The following CNKSR2 variants were observed in gnomAD, a reference collection of about 807,000 sequenced individuals.
The protein encoded by CNKSR2 is CNK homolog protein 2.
CNKSR2 carries 14 observed loss-of-function variants against 84.4 expected under a neutral mutation model. That is an observed-to-expected ratio of 0.17 (90% CI 0.11 to 0.26). The LOEUF (loss-of-function observed/expected upper bound fraction) is 0.26. CNKSR2 is among the 10% of genes least tolerant of loss of function. CNKSR2 has a pLI of 1.00. For synonymous variants in CNKSR2, 275 were observed against 277.9 expected, an observed-to-expected ratio of 0.99 and a Z score of 0.10; for missense variants, 485 against 771.2, an observed-to-expected ratio of 0.63 and a Z score of 4.40.
chrX:21,473,366 A>G (rs1198810876), intron 5 of CNKSR2, among the ~76,000 whole-genome samples: 1 of 112,176 alleles, frequency 8.9e-6, no homozygotes, highest in Non-Finnish European at 1.9e-5. Context: ...TTTCACAAGA[A>G]TAATTTTTTA....
chrX:21,620,647 A>C (rs915668552), intron 20 of CNKSR2, among the ~76,000 whole-genome samples: 1 of 111,438 alleles, frequency 9.0e-6, no homozygotes, highest in Non-Finnish European at 1.9e-5. Flanking sequence ...TTGATACAAA[A>C]ACAAATTTCT....
At chrX:21,522,532 A>C (rs943724978) in intron 9 of CNKSR2, among the ~76,000 whole-genome samples, 1 of 111,115 alleles carries the variant, frequency 9.0e-6, no homozygotes, top group Non-Finnish European at 1.9e-5. Flanking sequence ...TTAAAATGTA[A>C]AATGTTTTGG....
At chrX:21,392,398 G>A (rs1191845060) in intron 1 of CNKSR2, among the ~76,000 whole-genome samples, 4 of 112,268 alleles carry the variant, frequency 3.6e-5, no homozygotes, top group African/African-American at 6.5e-5. Flanking sequence ...TCCACAGGCT[G>A]TACAGGAAGC....
intron 10 of CNKSR2, among the ~76,000 whole-genome samples, chrX:21,528,456 T>G (rs771859805): frequency 9.0e-6 from 1 of 111,426 alleles, no homozygotes; most frequent in Non-Finnish European, 1.9e-5. Flanking sequence ...TTCTTTCCTC[T>G]TGGGTAGTGA....
intron 4 of CNKSR2, among the ~76,000 whole-genome samples, chrX:21,460,288 G>A (rs1406282621): frequency 8.9e-6 from 1 of 111,864 alleles, no homozygotes; most frequent in South Asian, 3.7e-4. Context: ...TAATCTCCTC[G>A]ATTTCCTTTC....
At chrX:21,505,039 T>C (rs1228452823) in intron 8 of CNKSR2, 6 of 260,254 alleles carry the variant, frequency 2.3e-5, no homozygotes, top group Non-Finnish European at 4.1e-5. Context: ...TCTGCCCTCA[T>C]GATGCACTTT....
intron 18 of CNKSR2, among the ~76,000 whole-genome samples, chrX:21,605,057 C>CCA (rs889084651): frequency 9.0e-6 from 1 of 111,143 alleles, no homozygotes; most frequent in African/African-American, 3.3e-5. Flanking sequence ...TATTTAGTGC[C>CCA]CACACACACA....
At chrX:21,595,705 G>T (rs1272211033) in intron 17 of CNKSR2, among the ~76,000 whole-genome samples, 1 of 111,775 alleles carries the variant, frequency 8.9e-6, no homozygotes, top group African/African-American at 3.2e-5. Flanking sequence ...CCAGATGGGG[G>T]AAAAAGAGAT....
At chrX:21,533,697 A>G (rs1224000885) in intron 11 of CNKSR2, among the ~76,000 whole-genome samples, 1 of 111,470 alleles carries the variant, frequency 9.0e-6, no homozygotes, top group Non-Finnish European at 1.9e-5. Context: ...AATACTTGAC[A>G]TCTTTTTGTA....
chrX:21,462,345 T>A (rs2091071792), intron 4 of CNKSR2, among the ~76,000 whole-genome samples: 2 of 112,187 alleles, frequency 1.8e-5, no homozygotes, highest in Middle Eastern at 4.6e-3. Flanking sequence ...TCACCGTTGG[T>A]ATGTAGAAAT....
At chrX:21,634,091 A>G (rs978215277) in intron 20 of CNKSR2, among the ~76,000 whole-genome samples, 1 of 112,210 alleles carries the variant, frequency 8.9e-6, no homozygotes, top group African/African-American at 3.2e-5. Flanking sequence ...CTTGTCATGT[A>G]CACAACATAT....
At chrX:21,549,366 A>G (rs2092062236) in intron 11 of CNKSR2, among the ~76,000 whole-genome samples, 1 of 112,034 alleles carries the variant, frequency 8.9e-6, no homozygotes, top group Non-Finnish European at 1.9e-5. Context: ...AGGGATGTGA[A>G]GGACCTCTTC....
intron 13 of CNKSR2, among the ~76,000 whole-genome samples, chrX:21,585,229 G>T (rs1347473503): frequency 9.4e-6 from 1 of 106,312 alleles, no homozygotes; most frequent in African/African-American, 3.4e-5. Flanking sequence ...GGTGACACAA[G>T]ACCTTGTCTC....
chrX:21,409,043 G>A (rs2090302805), intron 1 of CNKSR2, among the ~76,000 whole-genome samples: 1 of 106,891 alleles, frequency 9.4e-6, no homozygotes, highest in Non-Finnish European at 1.9e-5. Flanking sequence ...TGTGACTGGA[G>A]AAGAAATGTC....
chrX:21,582,286 T>A (rs1286226160), intron 13 of CNKSR2, among the ~76,000 whole-genome samples: 1 of 112,147 alleles, frequency 8.9e-6, no homozygotes, highest in Non-Finnish European at 1.9e-5. Flanking sequence ...GATGAGATGT[T>A]ATTGGTTTGA....
intron 3 of CNKSR2, among the ~76,000 whole-genome samples, chrX:21,436,792 A>G (rs1021718617): frequency 9.0e-6 from 1 of 111,063 alleles, no homozygotes; most frequent in Non-Finnish European, 1.9e-5. Context: ...ACTCTCATAG[A>G]TGATCATTAA....
In CNKSR2 at chrX:21,470,816, A is replaced by G; in HGVS notation, c.561+9A>G. The G allele has an allele frequency of 1.0e-6, 1 of 963,918 alleles. No homozygotes were observed. The highest frequency in any genetic ancestry group is 1.4e-6 in the Non-Finnish European group (1 of 700,998). The allele number at this position is 963,918 out of a possible 1,213,427, so 79.4% of individuals were successfully genotyped here. A position where few individuals can be genotyped will look rare whatever the true frequency, so the allele number is the denominator to read the frequency against. ...ATAAAATTCTTCACGTGGTGAGTAT[A>G]CTTGGATTTATTTTAATCTTTATTA... On this transcript the variant is annotated intron_variant, in intron 5 of 21. Transcript: ENST00000379510.
In CNKSR2 at chrX:21,381,690, G is replaced by A. The variant is rs150551546; in HGVS notation, c.64+6729G>A. ...TTTGGCCATTGCCTATGAGGTAAGC[G>A]TCATGCCCAGCACCAAGTATGCAGG... On this transcript the variant is annotated intron_variant, in intron 1 of 21. Coordinates refer to ENST00000379510, the MANE Select transcript of CNKSR2 (RefSeq NM_014927.5). Among the ~76,000 whole-genome samples, 794 of 112,048 alleles carry A rather than the reference G, an allele frequency of 7.1e-3. 2 individuals carry two copies. The highest frequency in any genetic ancestry group is 0.024 in the African/African-American group (754 of 30,796).
At chrX:21,622,854 T>A (rs1243574187) in intron 20 of CNKSR2, among the ~76,000 whole-genome samples, 3 of 111,777 alleles carry the variant, frequency 2.7e-5, no homozygotes, top group Admixed American at 9.5e-5. Context: ...TTATTTTATA[T>A]TTTTTCATCT....
Sources: gnomAD v4.1 joint callset for allele counts (sites outside exome capture counted in the v4.1 genomes callset) on GRCh38, gnomAD v4.1.1 for gene constraint, MANE v1.5 for transcripts, NCBI Gene and HGNC (gene_info 2026-07-23, HGNC 2026-07-21) for gene names.